UBE2V2: variants seen among roughly 807,000 people sequenced by gnomAD.
UBE2V2 encodes ubiquitin conjugating enzyme E2 V2.
Under a neutral mutation model 17.2 loss-of-function variants are expected in UBE2V2, and 9 were observed. That is an observed-to-expected ratio of 0.52 (90% CI 0.32 to 0.91). UBE2V2 has a LOEUF of 0.91. Among genes scored for constraint, UBE2V2 ranks in the 40% least tolerant of loss-of-function variants. UBE2V2 has a pLI of 0.04. For synonymous variants in UBE2V2, 61 were observed against 57.5 expected (o/e 1.06, Z -0.28); for missense variants, 133 against 182.6 (o/e 0.73, Z 1.56).
In UBE2V2 at chr8:48,036,201, C is replaced by T. The variant is rs1368438998; in HGVS notation, c.17-6832C>T. Among the ~76,000 whole-genome samples, 3 of 151,620 alleles carry T rather than the reference C, an allele frequency of 2.0e-5. No individual in the cohort carries two copies. The East Asian group carries it at 5.9e-4, about 30-fold the overall frequency. On this transcript the variant is annotated intron_variant, in intron 1 of 3. Transcript: ENST00000523111. ...AACTCCTGGGCTCAAGCGATCCTCC[C>T]ACCTTGGCCTCCCAAAGTGTTAAGA... is the stretch of plus-strand genomic sequence containing the variant.
upstream of UBE2V2, among the ~76,000 whole-genome samples, chr8:48,006,731 AT>A (rs2091185366): frequency 6.6e-6 from 1 of 152,326 alleles, no homozygotes; most frequent in South Asian, 2.1e-4. Flanking sequence ...CTTCGACAAA[AT>A]TCAACAGCCC....
At chr8:48,018,118 T>G (rs1431302794) in intron 1 of UBE2V2, among the ~76,000 whole-genome samples, 1 of 152,172 alleles carries the variant, frequency 6.6e-6, no homozygotes, top group Non-Finnish European at 1.5e-5. Context: ...ATTACAGGTG[T>G]GAGCCACCAT....
chr8:48,059,660 C>T (rs1384796001), intron 3 of UBE2V2, among the ~76,000 whole-genome samples: 6 of 152,172 alleles, frequency 3.9e-5, no homozygotes, highest in African/African-American at 1.4e-4. Context: ...ATCCGCCCGC[C>T]TTGGCCTCCC....
At chr8:48,038,060 A>G (rs1397536978) in intron 1 of UBE2V2, among the ~76,000 whole-genome samples, 1 of 151,958 alleles carries the variant, frequency 6.6e-6, no homozygotes, top group Non-Finnish European at 1.5e-5. Flanking sequence ...CTCTTTTGTA[A>G]TGTCCTCCCC....
chr8:48,015,488 T>C (rs1023730327), intron 1 of UBE2V2, among the ~76,000 whole-genome samples: 21 of 152,220 alleles, frequency 1.4e-4, no homozygotes, highest in Admixed American at 2.0e-4. Flanking sequence ...CACATAGTTA[T>C]CATTTTTGTG....
intron 1 of UBE2V2, among the ~76,000 whole-genome samples, chr8:48,029,573 T>C (rs1190705023): frequency 6.6e-6 from 1 of 152,168 alleles, no homozygotes; most frequent in Non-Finnish European, 1.5e-5. Context: ...TCTTTGGAAG[T>C]AGTATAATTA....
chr8:48,009,606 G>A (rs2091214288), intron 1 of UBE2V2, among the ~76,000 whole-genome samples: 1 of 152,090 alleles, frequency 6.6e-6, no homozygotes, highest in Admixed American at 6.6e-5. Context: ...CAAGAGTATA[G>A]AGCAGTGTGA....
intron 1 of UBE2V2, among the ~76,000 whole-genome samples, chr8:48,035,619 GTTTT>G (rs770027131): frequency 3.5e-5 from 3 of 84,624 alleles, no homozygotes; most frequent in Non-Finnish European, 4.2e-5. Flanking sequence ...AAAAATTATT[GTTTT>G]TTTTTTTTTG....
At chr8:48,009,221 C>T (rs899356194) in intron 1 of UBE2V2, among the ~76,000 whole-genome samples, 7 of 150,418 alleles carry the variant, frequency 4.7e-5, no homozygotes, top group African/African-American at 7.3e-5. Context: ...CTTTAGTTTA[C>T]ATTTAAAAAT....
chr8:48,004,490 ATTC>A (rs1328746837), upstream of UBE2V2, among the ~76,000 whole-genome samples: 1 of 147,898 alleles, frequency 6.8e-6, no homozygotes, highest in Non-Finnish European at 1.5e-5. Flanking sequence ...GTATATTATG[ATTC>A]TTCTTTATTT....
intron 1 of UBE2V2, among the ~76,000 whole-genome samples, chr8:48,016,678 C>G (rs1487725062): frequency 6.7e-6 from 1 of 149,978 alleles, no homozygotes; most frequent in Non-Finnish European, 1.5e-5. Context: ...GACGGGGTTT[C>G]TCCATGTTGG....
chr8:48,031,334 G>T (rs936622964), intron 1 of UBE2V2, among the ~76,000 whole-genome samples: 3 of 152,152 alleles, frequency 2.0e-5, no homozygotes, highest in East Asian at 3.8e-4. Context: ...ACTACTAAAA[G>T]AATATTTTAG....
Position 48,060,861 on chromosome 8 carries a change from C to T in UBE2V2, c.*33C>T, listed in dbSNP as rs762050813. The stretch of plus-strand genomic sequence containing the variant: ...GGATCTCAAACTTGTCTTAAATCAA[C>T]AACCTTCTACTCATGTTAATGTCTT... On this transcript the variant is annotated 3_prime_UTR_variant, in exon 4 of 4. Coordinates refer to ENST00000523111, the MANE Select transcript of UBE2V2 (RefSeq NM_003350.3). 1 of 1,468,942 alleles carries T rather than the reference C, an allele frequency of 6.8e-7. No individual in the cohort carries two copies. Among genetic ancestry groups the T allele is most frequent in the Non-Finnish European group, 9.0e-7 (1 of 1,107,110 alleles). The allele number at this position is 1,468,942 out of a possible 1,614,324, so 91.0% of individuals were successfully genotyped here. A position where few individuals can be genotyped will look rare whatever the true frequency, so the allele number is the denominator to read the frequency against.
Position 48,043,069 on chromosome 8 carries a change from A to G in UBE2V2, c.53A>G (p.Glu18Gly). ...KVPRNFRLLE[E>G]LEEGQKGVGD... ...CCTCGTAATTTTCGCTTGTTGGAAG[A>G]ACTTGAAGAAGGACAAAAAGGAGTA... The change falls in exon 2 of 4, where the codon GAA (glutamate) becomes GGA (glycine). Residue 18 changes from glutamate to glycine, a missense_variant. Coordinates refer to ENST00000523111, the MANE Select transcript of UBE2V2 (RefSeq NM_003350.3). 6.3e-7 allele frequency: 1 copy of G among 1,585,458 alleles called. No individual in the cohort carries two copies.
intron 1 of UBE2V2, among the ~76,000 whole-genome samples, chr8:48,030,651 G>T (rs1267080776): frequency 6.6e-6 from 1 of 152,174 alleles, no homozygotes; most frequent in Non-Finnish European, 1.5e-5. Context: ...AGCCTGGGAG[G>T]TGGAGGTTGC....
intron 2 of UBE2V2, among the ~76,000 whole-genome samples, chr8:48,046,306 G>T (rs1387089613): frequency 1.3e-5 from 2 of 152,148 alleles, no homozygotes; most frequent in East Asian, 3.9e-4. Flanking sequence ...TTTTAGTAGA[G>T]ATGGGGTTTC....
At chr8:48,055,663 G>C (rs562078933) in intron 3 of UBE2V2, among the ~76,000 whole-genome samples, 1 of 152,074 alleles carries the variant, frequency 6.6e-6, no homozygotes, top group East Asian at 1.9e-4. Flanking sequence ...CATGACCCAG[G>C]TTTGGAACAT....
At chr8:48,031,374 T>G (rs2091382182) in intron 1 of UBE2V2, among the ~76,000 whole-genome samples, 1 of 152,236 alleles carries the variant, frequency 6.6e-6, no homozygotes, top group Admixed American at 6.5e-5. Flanking sequence ...TCTAAAATCA[T>G]GAAGCCGCTT....
intron 1 of UBE2V2, among the ~76,000 whole-genome samples, chr8:48,035,360 A>T (rs552985019): frequency 6.6e-6 from 1 of 151,916 alleles, no homozygotes; most frequent in Non-Finnish European, 1.5e-5. Context: ...ACCTCAGGTG[A>T]TATACCCACC....
Sources: gnomAD v4.1 joint callset for allele counts (sites outside exome capture counted in the v4.1 genomes callset) on GRCh38, gnomAD v4.1.1 for gene constraint, MANE v1.5 for transcripts, NCBI Gene and HGNC (gene_info 2026-07-23, HGNC 2026-07-21) for gene names.